The following TYW3 variants were observed in gnomAD, a reference collection of about 807,000 sequenced individuals.
The protein encoded by TYW3 is tRNA wybutosine-synthesizing protein 3 homolog.
A neutral mutation model predicts 23.1 loss-of-function variants in TYW3; 26 were observed. The observed-to-expected ratio is 1.13, with a 90% CI of 0.83 to 1.56. The LOEUF (loss-of-function observed/expected upper bound fraction) is 1.56, where lower values mean the gene tolerates loss of function less well. TYW3 is among the 40% of genes most tolerant of loss of function. The pLI is 0.00. For missense variants in TYW3, 316 were observed against 311.9 expected (o/e 1.01, Z -0.10); for synonymous variants, 102 against 105.7 (o/e 0.97, Z 0.21).
chr1:74,758,765 A>C (rs1020282555), intron 5 of TYW3, among the ~76,000 whole-genome samples: 107 of 152,204 alleles, frequency 7.0e-4, no homozygotes, highest in Admixed American at 1.2e-3. Flanking sequence ...ACAATTACTT[A>C]ATTGCACATC....
chr1:74,758,172 TTCTTCC>T (rs1649014753), intron 5 of TYW3, among the ~76,000 whole-genome samples: 1 of 152,222 alleles, frequency 6.6e-6, no homozygotes, highest in Admixed American at 6.5e-5. Context: ...TAGGTTTCTC[TTCTTCC>T]TCTTCATTAA....
chr1:74,734,988 C>T (rs534884058), intron 1 of TYW3, among the ~76,000 whole-genome samples: 1 of 152,298 alleles, frequency 6.6e-6, no homozygotes, highest in Admixed American at 6.5e-5. Flanking sequence ...AGGGCCTGTT[C>T]ATTTTTAAAT....
chr1:74,750,529 A>G (rs1005527119), intron 4 of TYW3, among the ~76,000 whole-genome samples: 2 of 152,018 alleles, frequency 1.3e-5, no homozygotes, highest in East Asian at 3.9e-4. Flanking sequence ...ATGCCACTGC[A>G]CTCCAGCCTG....
At position 74,745,676 on chromosome 1, in the gene TYW3, T is replaced by C. The variant is rs1256873912; in HGVS notation, c.355-3075T>C. ...ATGGAAATCAAGAATGTGATTCATA[T>C]GTTAAGTGTGAAATGTCTGTTAAGA... On this transcript the variant is annotated intron_variant, in intron 3 of 5. Coordinates refer to ENST00000370867, the MANE Select transcript of TYW3 (RefSeq NM_138467.3). 2.6e-5 allele frequency among the ~76,000 whole-genome samples: 4 copies of C among 152,366 alleles called. No individual in the cohort carries two copies. In the East Asian group the frequency reaches 7.7e-4, roughly 29 times the overall value.
chr1:74,737,621 CAG>C (rs1434772141), intron 2 of TYW3, among the ~76,000 whole-genome samples: 1 of 152,150 alleles, frequency 6.6e-6, no homozygotes, highest in Non-Finnish European at 1.5e-5. Flanking sequence ...GCTGGGCAGA[CAG>C]AAATAATAAC....
In TYW3 at chr1:74,738,766, A is replaced by C. The variant is rs927717809; in HGVS notation, c.332A>C (p.Gln111Pro). The part of the protein sequence containing the change: ...EPFVLHVQCR[Q>P]LQDAQILHSM... ...TTTGTTCTTCATGTGCAGTGTCGAC[A>C]ATTGCAGGATGCACAGATTCTGGTA... is the stretch of plus-strand genomic sequence containing the variant. Residue 111 changes from glutamine to proline, a missense_variant, in exon 3 of 6, where the codon CAA becomes CCA. Physicochemically the swap from Gln to Pro is moderately conservative, Grantham distance 76 (BLOSUM62 -1). Coordinates refer to ENST00000370867, the MANE Select transcript of TYW3 (RefSeq NM_138467.3). 1 of 1,610,934 alleles carries C rather than the reference A, an allele frequency of 6.2e-7. No individual in the cohort carries two copies. The highest frequency in any genetic ancestry group is 1.3e-5 in the African/African-American group (1 of 74,904).
chr1:74,752,984 T>C (rs950029536), intron 5 of TYW3, among the ~76,000 whole-genome samples: 1 of 152,220 alleles, frequency 6.6e-6, no homozygotes, highest in Non-Finnish European at 1.5e-5. Flanking sequence ...CATACTTCTT[T>C]TGTTCTTCAT....
chr1:74,757,609 G>C (rs1320349987), intron 5 of TYW3, among the ~76,000 whole-genome samples: 1 of 152,198 alleles, frequency 6.6e-6, no homozygotes, highest in Non-Finnish European at 1.5e-5. Flanking sequence ...CAGGCTGATA[G>C]GCAGAAGGGA....
chr1:74,738,980 A>G (rs1013160929), intron 3 of TYW3, among the ~76,000 whole-genome samples, 192 bp downstream of exon 3: 8 of 152,190 alleles, frequency 5.3e-5, no homozygotes, highest in Non-Finnish European at 8.8e-5. Flanking sequence ...TGCTAGGAAA[A>G]TATAAGTCCC....
chr1:74,737,712 A>G (rs1648198214), intron 2 of TYW3, among the ~76,000 whole-genome samples: 2 of 152,218 alleles, frequency 1.3e-5, no homozygotes, highest in African/African-American at 4.8e-5. Flanking sequence ...GATACACTGT[A>G]ACATGGGTGC....
At chr1:74,739,838 A>G (rs1056680395) in intron 3 of TYW3, among the ~76,000 whole-genome samples, 2 of 152,226 alleles carry the variant, frequency 1.3e-5, no homozygotes, top group Non-Finnish European at 2.9e-5. Flanking sequence ...AGGTGATAGC[A>G]CCAAAGCAGG....
chr1:74,734,395 A>G (rs1223402245), intron 1 of TYW3, among the ~76,000 whole-genome samples: 1 of 152,180 alleles, frequency 6.6e-6, no homozygotes, highest in East Asian at 1.9e-4. Context: ...TTTACTTAAT[A>G]ATGGCCCCAA....
At chr1:74,763,813 A>G (rs956068414) in intron 5 of TYW3, 81 bp from the exon 6 acceptor site, 4 of 1,072,710 alleles carry the variant, frequency 3.7e-6, no homozygotes, top group South Asian at 3.5e-5. Flanking sequence ...TCAAATTTAC[A>G]TAACTTATAA....
At chr1:74,760,501 C>G (rs1258762467) in intron 5 of TYW3, among the ~76,000 whole-genome samples, 1 of 152,198 alleles carries the variant, frequency 6.6e-6, no homozygotes, top group Non-Finnish European at 1.5e-5. Context: ...TTGTCAGCTT[C>G]CATTCATCCT....
In TYW3 at chr1:74,733,326, G is replaced by C. The variant is rs778608255; in HGVS notation, c.82G>C (p.Glu28Gln). The stretch of plus-strand genomic sequence containing the variant: ...CCTCAGCCGGAAGGGCAGTGTTGAC[G>C]AGGATGTGGTAGAGCTTGTGCAGTT... ...ADLSRKGSVD[E>Q]DVVELVQFLN... Residue 28 changes from glutamate to glutamine, a missense_variant, in exon 1 of 6, where the codon GAG becomes CAG. Transcript: ENST00000370867. 12 of 1,614,080 alleles carry C rather than the reference G, an allele frequency of 7.4e-6. 1 individual carries two copies. Among genetic ancestry groups the C allele is most frequent in the Non-Finnish European group, 7.6e-6 (9 of 1,180,038 alleles).
intron 4 of TYW3, among the ~76,000 whole-genome samples, chr1:74,749,464 C>T (rs1648700170): frequency 6.6e-6 from 1 of 151,474 alleles, no homozygotes; most frequent in South Asian, 2.1e-4. Context: ...CTTTTTGAGT[C>T]CTTCTCTAGC....
Position 74,748,799 on chromosome 1 carries a change from G to C in TYW3, c.403G>C (p.Gly135Arg), listed in dbSNP as rs1648677463. 3 of 1,613,978 alleles carry C rather than the reference G, an allele frequency of 1.9e-6. No individual in the cohort carries two copies. Among genetic ancestry groups the C allele is most frequent in the Non-Finnish European group, 2.5e-6 (3 of 1,179,908 alleles). Residue 135 changes from glycine (G) to arginine (R), a missense_variant, in exon 4 of 6, where the codon GGA becomes CGA. Transcript: ENST00000370867. Reference sequence around the variant, plus strand: ...TTTCAGGAACTCTGGCATAACGGTGGGAAAGAGAGGAAAAACTATGTTGGT... The same window carrying C: ...TTTCAGGAACTCTGGCATAACGGTGCGAAAGAGAGGAAAAACTATGTTGGT... ...SGFRNSGITVGKRGKTMLAVR... is the reference protein window; with the variant it reads ...SGFRNSGITVRKRGKTMLAVR...
At chr1:74,734,638 A>G (rs968621323) in intron 1 of TYW3, among the ~76,000 whole-genome samples, 1 of 152,224 alleles carries the variant, frequency 6.6e-6, no homozygotes, top group African/African-American at 2.4e-5. Flanking sequence ...GGGTCTTGGG[A>G]CATATCCCCT....
chr1:74,748,615 G>A (rs1035751089), intron 3 of TYW3, 136 bp from the exon 4 acceptor site: 14 of 727,818 alleles, frequency 1.9e-5, no homozygotes, highest in South Asian at 6.6e-5. Context: ...AGCATAGTCC[G>A]TATTGGCTAG....
Sources: allele counts gnomAD v4.1 joint callset (sites outside exome capture counted in the v4.1 genomes callset), GRCh38; gene constraint gnomAD v4.1.1; transcripts MANE v1.5; gene names NCBI Gene and HGNC (gene_info 2026-07-23, HGNC 2026-07-21).